SEMA3A: variants seen among roughly 807,000 people sequenced by gnomAD.
The protein encoded by SEMA3A is semaphorin-3A.
In SEMA3A, 29 loss-of-function variants were observed where a neutral mutation model predicts 97.9. That is an observed-to-expected ratio of 0.30 (90% CI 0.22 to 0.40). The LOEUF (loss-of-function observed/expected upper bound fraction) is 0.40, where lower values mean the gene tolerates loss of function less well. Ranked by LOEUF, SEMA3A falls within the 10% of genes least tolerant of loss-of-function variation. The pLI is 1.00. For synonymous variants in SEMA3A, 321 were observed against 323.7 expected (o/e 0.99, Z 0.09); for missense variants, 763 against 951.3 (o/e 0.80, Z 2.60).
At chr7:84,326,381 T>A (rs1447588016) in intron 2 of SEMA3A, among the ~76,000 whole-genome samples, 1 of 152,086 alleles carries the variant, frequency 6.6e-6, no homozygotes, top group Non-Finnish European at 1.5e-5. Flanking sequence ...CAATAAATAT[T>A]TTCTTGAATT....
At chr7:84,159,659 C>A (rs1169682918) in intron 1 of SEMA3A, among the ~76,000 whole-genome samples, 4 of 152,080 alleles carry the variant, frequency 2.6e-5, no homozygotes, top group Admixed American at 2.6e-4. Flanking sequence ...AGGCAATTTG[C>A]AGTTGGTGAA....
At chr7:84,429,222 C>A (rs531033074) in intron 1 of SEMA3A, among the ~76,000 whole-genome samples, 1 of 151,654 alleles carries the variant, frequency 6.6e-6, no homozygotes, top group African/African-American at 2.4e-5. Context: ...TACATTTTAC[C>A]TACTAATATA....
intron 3 of SEMA3A, among the ~76,000 whole-genome samples, chr7:84,234,383 A>C (rs1297617389): frequency 2.6e-5 from 4 of 152,096 alleles, no homozygotes; most frequent in Admixed American, 6.6e-5. Context: ...CATTGAGACC[A>C]TTGCCCTGGC....
intron 1 of SEMA3A, among the ~76,000 whole-genome samples, chr7:84,161,602 T>C (rs2116166867): frequency 6.6e-6 from 1 of 152,282 alleles, no homozygotes; most frequent in African/African-American, 2.4e-5. Flanking sequence ...AATGATTTCA[T>C]TGTACAGTGT....
In SEMA3A at chr7:84,406,356, C is replaced by T. The variant is rs368218199; in HGVS notation, c.-245-34456G>A. On this transcript the variant is annotated intron_variant, in intron 1 of 3. Coordinates refer to the SEMA3A transcript ENST00000424555. ...CTCCCAAGACTAAACCAGGAAGAAG[C>T]TGAATCTCTGAATAGACCAATAACA... Among the ~76,000 whole-genome samples, 110 of 152,122 alleles carry T rather than the reference C, an allele frequency of 7.2e-4. 1 individual carries two copies. Among genetic ancestry groups the T allele is most frequent in the African/African-American group, 2.4e-3 (101 of 41,526 alleles).
At chr7:84,086,602 A>ACATATAATGTATTATTATATTATATT (rs1562770450) in intron 4 of SEMA3A, among the ~76,000 whole-genome samples, 2 of 140,522 alleles carry the variant, frequency 1.4e-5, no homozygotes, top group African/African-American at 5.3e-5. Flanking sequence ...TATTATATTT[A>ACATATAATGTATTATTATATTATATT]TAATCCTCAC....
At chr7:84,365,657 T>G (rs1802831295) in intron 2 of SEMA3A, among the ~76,000 whole-genome samples, 2 of 151,546 alleles carry the variant, frequency 1.3e-5, no homozygotes. Flanking sequence ...AGTTATTTAT[T>G]ATTCATCATA....
chr7:84,288,021 G>A (rs556492761), intron 3 of SEMA3A, among the ~76,000 whole-genome samples: 62 of 152,240 alleles, frequency 4.1e-4, no homozygotes, highest in Non-Finnish European at 7.8e-4. Context: ...GATACAATGT[G>A]TAGTCCAATT....
chr7:84,104,998 T>G (rs1795065992), intron 4 of SEMA3A, among the ~76,000 whole-genome samples: 1 of 152,118 alleles, frequency 6.6e-6, no homozygotes, highest in Admixed American at 6.6e-5. Flanking sequence ...AGGTCCATAG[T>G]GCAAATGAGG....
At chr7:84,204,322 G>C (rs1022752580) in intron 3 of SEMA3A, among the ~76,000 whole-genome samples, 29 of 152,152 alleles carry the variant, frequency 1.9e-4, no homozygotes, top group Non-Finnish European at 3.4e-4. Context: ...CAGTTTATTT[G>C]TCTAGAAAGC....
intron 15 of SEMA3A, among the ~76,000 whole-genome samples, chr7:83,964,950 A>G (rs1788612258): frequency 6.6e-6 from 1 of 152,172 alleles, no homozygotes. Context: ...CCTGGGATAC[A>G]GGTGAATTTA....
intron 1 of SEMA3A, among the ~76,000 whole-genome samples, chr7:84,481,238 A>T (rs542498991): frequency 1.5e-3 from 223 of 152,292 alleles, no homozygotes; most frequent in Middle Eastern, 0.01. Flanking sequence ...TCAGGGACCC[A>T]CTGGTCTTTT....
intron 4 of SEMA3A, among the ~76,000 whole-genome samples, chr7:84,063,633 A>AG: frequency 6.6e-6 from 1 of 151,714 alleles, no homozygotes; most frequent in South Asian, 2.1e-4. Context: ...CAGAAGCCTC[A>AG]GGAGACGATG....
intron 15 of SEMA3A, among the ~76,000 whole-genome samples, chr7:83,967,464 T>G (rs1357254636): frequency 6.6e-6 from 1 of 152,090 alleles, no homozygotes; most frequent in Non-Finnish European, 1.5e-5. Flanking sequence ...TCAAACATAC[T>G]GTCAATTTTG....
intron 12 of SEMA3A, among the ~76,000 whole-genome samples, chr7:83,994,917 A>T (rs992297935): frequency 6.6e-6 from 1 of 151,936 alleles, no homozygotes; most frequent in Non-Finnish European, 1.5e-5. Context: ...CCCCCAGCCT[A>T]GCTGCCGCCT....
upstream of SEMA3A, among the ~76,000 whole-genome samples, chr7:84,197,568 T>C (rs1427573321): frequency 1.3e-5 from 2 of 152,108 alleles, no homozygotes; most frequent in African/African-American, 2.4e-5. Context: ...ACTTTTTTTT[T>C]CTTAATATCC....
intron 1 of SEMA3A, among the ~76,000 whole-genome samples, chr7:84,184,621 CT>C (rs34241167): frequency 0.052 from 7,579 of 145,494 alleles, 327 homozygotes; most frequent in Non-Finnish European, 0.072. Flanking sequence ...GGGAGAAATC[CT>C]TTTTTTTTTT....
intron 3 of SEMA3A, among the ~76,000 whole-genome samples, chr7:84,295,561 C>T (rs1468948017): frequency 2.6e-5 from 4 of 151,944 alleles, no homozygotes; most frequent in African/African-American, 9.7e-5. Context: ...AATCAGCCTG[C>T]CTTTCTTTTC....
chr7:84,168,843 T>C (rs1584073228), intron 1 of SEMA3A, among the ~76,000 whole-genome samples: 1 of 151,864 alleles, frequency 6.6e-6, no homozygotes, highest in African/African-American at 2.4e-5. Flanking sequence ...TTTACAATTA[T>C]CTTCAGTATC....
Sources: allele counts gnomAD v4.1 joint callset (sites outside exome capture counted in the v4.1 genomes callset), GRCh38; gene constraint gnomAD v4.1.1; transcripts MANE v1.5; gene names NCBI Gene and HGNC (gene_info 2026-07-23, HGNC 2026-07-21).